The following KRT85 variants were observed in gnomAD, a reference collection of about 807,000 sequenced individuals.
The protein encoded by KRT85 is keratin 85.
KRT85 carries 39 observed loss-of-function variants against 53.7 expected under a neutral mutation model. The ratio of observed to expected loss-of-function variants is 0.73; its 90% CI spans 0.56 to 0.95. The LOEUF is 0.95. Among genes scored for constraint, KRT85 ranks in the 40% least tolerant of loss-of-function variants. The pLI, the probability that KRT85 is intolerant of heterozygous loss-of-function variation, is 0.00. For synonymous variants in KRT85, 291 were observed against 277.5 expected (o/e 1.05, Z -0.48); for missense variants, 668 against 686.0 (o/e 0.97, Z 0.29).
At position 52,365,124 on chromosome 12, in the gene KRT85, T is replaced by A. The variant is rs200408887; in HGVS notation, c.467A>T (p.Gln156Leu). Reference protein sequence around the residue: ...QQNKLLETKWQFYQNQRCCES... With the variant: ...QQNKLLETKWLFYQNQRCCES... The stretch of plus-strand genomic sequence containing the variant: ...GCAGCAGCGCTGGTTCTGGTAGAAC[T>A]GCCACTTGGTCTCCAGCAGCTTGTT... The change falls in exon 2 of 9, where the codon CAG becomes CTG. Residue 156 changes from glutamine (Q) to leucine (L), a missense_variant. By Grantham distance (113) the Gln-to-Leu change is moderately radical (BLOSUM62 -2). Around this residue, in one of 3 missense-constraint regions of KRT85, gnomAD observed 488 missense variants for 498.1 expected, o/e 0.98. Coordinates refer to ENST00000257901, the MANE Select transcript of KRT85 (RefSeq NM_002283.4). The A allele has an allele frequency of 6.2e-7, 1 of 1,614,256 alleles. No individual in the cohort carries two copies. The highest frequency in any genetic ancestry group is 1.7e-5 in the Admixed American group (1 of 60,034).
At position 52,360,125 on chromosome 12, in the gene KRT85, GC is replaced by G. The variant is rs1222845342; in HGVS notation, c.*727del. The G allele has an allele frequency of 6.5e-6, 1 of 154,246 alleles. No individual in the cohort carries two copies. Among genetic ancestry groups the G allele is most frequent in the East Asian group, 1.9e-4 (1 of 5,210 alleles). 9.6% of individuals were successfully genotyped at this position (154,246 alleles called of 1,614,324 possible). A position where few individuals can be genotyped will look rare whatever the true frequency, so the allele number is the denominator to read the frequency against. On this transcript the variant is annotated 3_prime_UTR_variant, in exon 9 of 9. Transcript: ENST00000257901. ...CTTAACTCTCTGTCCCGCCAGCTCT[GC>G]ATTGGACAGTCCCCACCTGCACCCA...
intron 1 of KRT85, among the ~76,000 whole-genome samples, chr12:52,365,812 C>T (rs1183063251): frequency 3.3e-5 from 5 of 152,086 alleles, no homozygotes; most frequent in Admixed American, 6.5e-5. Context: ...TCATGGTAAG[C>T]GATAGTCTTG....
intron 2 of KRT85, chr12:52,364,727 C>G (rs1000537337): frequency 1.4e-6 from 2 of 1,395,026 alleles, no homozygotes; most frequent in Non-Finnish European, 1.9e-6. Context: ...TGCTAGAATT[C>G]CACTGGATTT....
rs780199943 is a variant in KRT85 at position 52,365,222 on chromosome 12, TG to T, written c.421-53del. On this transcript the variant is annotated intron_variant, in intron 1 of 8. Coordinates refer to ENST00000257901, the MANE Select transcript of KRT85 (RefSeq NM_002283.4). ...CAGAGGGAGCCTGGGGGGAGGCACC[TG>T]GTCCCCCACAGTCTCTCTGCCCTCG... The T allele has an allele frequency of 4.5e-6, 7 of 1,572,686 alleles. No individual in the cohort carries two copies. The South Asian group carries it at 7.8e-5, about 18-fold the overall frequency.
intron 4 of KRT85, 70 bp from the exon 5 acceptor site, chr12:52,363,480 C>A (rs919419022): frequency 1.4e-5 from 22 of 1,560,772 alleles, no homozygotes; most frequent in African/African-American, 2.7e-5. Context: ...CCCCAGGGGA[C>A]AATGTCCACT....
At position 52,362,391 on chromosome 12, in the gene KRT85, A is replaced by G. The variant is rs138298152; in HGVS notation, c.1158T>C (p.Ala386=). ...AALSDARCKL[A]ELEGALQKAK... is the part of the protein sequence containing the mutation. ...CCTTCTGCAGGGCGCCCTCCAGCTC[A>G]GCCAGCTTGCAGCGGGCATCGCTGA... Residue 386 remains alanine (A), a synonymous_variant, in exon 7 of 9, where the codon GCT becomes GCC. Coordinates refer to ENST00000257901, the MANE Select transcript of KRT85 (RefSeq NM_002283.4). 852 of 1,614,176 alleles carry G rather than the reference A, an allele frequency of 5.3e-4. 5 individuals carry two copies. The African/African-American group carries it at 0.01, about 19-fold the overall frequency.
intron 1 of KRT85, 90 bp downstream of exon 1, chr12:52,366,896 G>C: frequency 1.2e-6 from 2 of 1,607,230 alleles, no homozygotes; most frequent in South Asian, 2.2e-5. Flanking sequence ...GCCTCAAACC[G>C]GCAGCCATCC....
At chr12:52,365,484 A>C (rs1019909172) in intron 1 of KRT85, among the ~76,000 whole-genome samples, 2 of 152,204 alleles carry the variant, frequency 1.3e-5, no homozygotes, top group African/African-American at 4.8e-5. Context: ...ACTGTTGTGA[A>C]GCTTGAACAA....
chr12:52,363,227 G>C lies in KRT85; in HGVS notation c.951+19C>G. On this transcript the variant is annotated intron_variant, in intron 5 of 8. Coordinates refer to ENST00000257901, the MANE Select transcript of KRT85 (RefSeq NM_002283.4). ...CTCCCACTGCCATGCTTAGCAGGCA[G>C]GTGTCCTGTGCCACTCACCTTGCTA... 1.2e-6 allele frequency: 2 copies of C among 1,614,054 alleles called. No homozygotes were observed. Among genetic ancestry groups the C allele is most frequent in the Non-Finnish European group, 1.7e-6 (2 of 1,179,914 alleles).
chr12:52,363,341 G>C lies in KRT85; in HGVS notation c.856C>G (p.Leu286Val). 5 of 1,614,166 alleles carry C rather than the reference G, an allele frequency of 3.1e-6. No homozygotes were observed. Among genetic ancestry groups the C allele is most frequent in the Non-Finnish European group, 4.2e-6 (5 of 1,180,030 alleles). ...VIVKMDNSRD[L>V]NMDCIIAEIK... is the part of the protein sequence containing the mutation. Reference sequence around the variant, plus strand: ...TCAGCGATGATGCAGTCCATGTTCAGGTCTCGGCTGTTGTCCATCTTGACT... The same window carrying C: ...TCAGCGATGATGCAGTCCATGTTCACGTCTCGGCTGTTGTCCATCTTGACT... The change falls in exon 5 of 9, where the codon CTG (leucine) becomes GTG (valine). Residue 286 changes from leucine (L) to valine (V), a missense_variant. By Grantham distance (32) the Leu-to-Val change is conservative. Transcript: ENST00000257901.
Position 52,362,261 on chromosome 12 carries a change from C to T in KRT85, c.1288G>A (p.Glu430Lys), listed in dbSNP as rs529091727. 2 of 1,614,088 alleles carry T rather than the reference C, an allele frequency of 1.2e-6. No homozygotes were observed. The highest frequency in any genetic ancestry group is 8.5e-7 in the Non-Finnish European group (1 of 1,179,938). ...IATYRRLLEG[E>K]EHRLCEGVGS... is the part of the protein sequence containing the mutation. The stretch of plus-strand genomic sequence containing the variant: ...TCCTCTTAGCCCCACCTGTGTTCCT[C>T]GCCCTCCAGCAGGCGCCTGTAGGTG... The change falls in exon 7 of 9, where the codon GAG (glutamate) becomes AAG (lysine). Residue 430 changes from glutamate to lysine, a missense_variant. Physicochemically the swap from Glu to Lys is moderately conservative, Grantham distance 56. This residue lies in a region of KRT85 where 488 missense variants were observed against 498.1 expected (regional missense o/e 0.98). Transcript: ENST00000257901.
chr12:52,360,691 G>A lies in KRT85; in HGVS notation c.*162C>T, dbSNP rs1027379507. ...ATGCATCTCCCTAGCATGAAAAGGC[G>A]CAGGGGAGCGGCCCGAGGGTCTTTC... On this transcript the variant is annotated 3_prime_UTR_variant, in exon 9 of 9. Transcript: ENST00000257901. 4.1e-5 allele frequency: 31 copies of A among 761,528 alleles called. No homozygotes were observed. Among genetic ancestry groups the A allele is most frequent in the South Asian group, 1.3e-4 (8 of 61,702 alleles). The allele number at this position is 761,528 out of a possible 1,614,324, so 47.2% of individuals were successfully genotyped here.
rs545689803 is a variant in KRT85, at chr12:52,364,359, C to T, written c.637G>A (p.Glu213Lys). The T allele has an allele frequency of 1.2e-4, 198 of 1,614,198 alleles. 4 individuals are homozygous for T. In the South Asian group the frequency reaches 2.1e-3, roughly 17 times the overall value. The change falls in exon 3 of 9, where the codon GAG (glutamate) becomes AAG (lysine). Residue 213 changes from glutamate (E) to lysine (K), a missense_variant. Glu to Lys is a moderately conservative substitution (Grantham distance 56). This residue lies in a region of KRT85 where 488 missense variants were observed against 498.1 expected (regional missense o/e 0.98). Coordinates refer to ENST00000257901, the MANE Select transcript of KRT85 (RefSeq NM_002283.4). ...VLEGYKKKYE[E>K]EVALRATAEN... ...GCTGTGGCTCTCAGGGCCACCTCCT[C>T]TTCATACCTGGGTGTGGGAGAGAGA...
rs369638581 is a variant in KRT85, at chr12:52,361,400, G to A, written c.1330+67C>T. 11 of 1,437,726 alleles carry A rather than the reference G, an allele frequency of 7.7e-6. No homozygotes were observed. In the East Asian group the frequency reaches 1.1e-4, roughly 15 times the overall value. 89.1% of individuals were successfully genotyped at this position (1,437,726 alleles called of 1,614,324 possible). On this transcript the variant is annotated intron_variant, in intron 8 of 8. Coordinates refer to ENST00000257901, the MANE Select transcript of KRT85 (RefSeq NM_002283.4). Reference sequence around the variant, plus strand: ...GGAACACTCGAGGCTCCATGGGTTAGGCCAATGAGTTCAGCTTTTCTATCA... The same window carrying A: ...GGAACACTCGAGGCTCCATGGGTTAAGCCAATGAGTTCAGCTTTTCTATCA...
chr12:52,365,926 C>G (rs557571145), intron 1 of KRT85, among the ~76,000 whole-genome samples: 100 of 152,200 alleles, frequency 6.6e-4, no homozygotes, highest in Non-Finnish European at 1.2e-3. Flanking sequence ...GATACCCACT[C>G]CAACCCGTCA....
At chr12:52,361,192 C>A in intron 8 of KRT85, 146 bp from the exon 9 acceptor site, 3 of 825,978 alleles carry the variant, frequency 3.6e-6, no homozygotes. Flanking sequence ...GATGCACAGC[C>A]CATCTAGGGA....
In KRT85 at chr12:52,364,167, G is replaced by A. The variant is rs373596054; in HGVS notation, c.691-4C>T. ...GCAGGTAGGCACAGTCCACGTCCTG[G>A]CCGTGGGACAAAGAGGAGGGGACAT... is the stretch of plus-strand genomic sequence containing the variant. On this transcript the variant is annotated splice_region_variant and splice_polypyrimidine_tract_variant and intron_variant, in intron 3 of 8. Coordinates refer to ENST00000257901, the MANE Select transcript of KRT85 (RefSeq NM_002283.4). The A allele has an allele frequency of 1.1e-5, 18 of 1,614,042 alleles. No individual in the cohort carries two copies. The African/African-American group carries it at 1.7e-4, about 16-fold the overall frequency.
chr12:52,362,480 T>C lies in KRT85; in HGVS notation c.1078-9A>G. The C allele has an allele frequency of 6.2e-7, 1 of 1,613,762 alleles. No individual in the cohort carries two copies. The highest frequency in any genetic ancestry group is 8.5e-7 in the Non-Finnish European group (1 of 1,179,876). ...GCCTCCAGCTTGGCACGCTATCAGG[T>C]GGAGATACAAGGGCCAGGATGAGAA... is the stretch of plus-strand genomic sequence containing the variant. On this transcript the variant is annotated splice_polypyrimidine_tract_variant and intron_variant, in intron 6 of 8. Transcript: ENST00000257901.
rs1263502144 is a variant in KRT85, at chr12:52,363,172, G to T, written c.951+74C>A. 4 of 1,596,160 alleles carry T rather than the reference G, an allele frequency of 2.5e-6. No individual in the cohort carries two copies. In the East Asian group the frequency reaches 6.7e-5, roughly 27 times the overall value. The stretch of plus-strand genomic sequence containing the variant: ...CATGGGTCAGAATCCCCAGGCAAGA[G>T]AAATCTTTTCTAATAGATGCCTAAC... On this transcript the variant is annotated intron_variant, in intron 5 of 8. Transcript: ENST00000257901.
Sources: allele counts gnomAD v4.1 joint callset (sites outside exome capture counted in the v4.1 genomes callset), GRCh38; gene constraint gnomAD v4.1.1; regional missense constraint gnomAD v4.1.1; transcripts MANE v1.5; gene names NCBI Gene and HGNC (gene_info 2026-07-23, HGNC 2026-07-21).